Variants in KCNQ5 observed in about 807,000 individuals in gnomAD.
The protein encoded by KCNQ5 is potassium voltage-gated channel subfamily Q member 5, also known as potassium voltage-gated channel subfamily KQT member 5.
Under a neutral mutation model 98.2 loss-of-function variants are expected in KCNQ5, and 30 were observed. The ratio of observed to expected loss-of-function variants is 0.31; its 90% confidence interval spans 0.23 to 0.41. The LOEUF is 0.41. KCNQ5 is among the 10% of genes least tolerant of loss of function. KCNQ5 has a pLI of 1.00. For missense variants in KCNQ5, 835 were observed against 1,182.5 expected (o/e 0.71, Z 4.31); for synonymous variants, 458 against 449.4 (o/e 1.02, Z -0.24).
Position 73,195,219 on chromosome 6 carries a change from A to G in KCNQ5, c.2604A>G (p.Lys868=), listed in dbSNP as rs1194082182. The G allele has an allele frequency of 6.2e-7, 1 of 1,614,200 alleles. No homozygotes were observed. Among genetic ancestry groups the G allele is most frequent in the Non-Finnish European group, 8.5e-7 (1 of 1,180,032 alleles). ...QDFYPKWRES[K]LFITDEEVGP... is the part of the protein sequence containing the mutation. ...TTTACCCCAAATGGAGGGAATCCAAATTGTTTATAACTGATGAAGAGGTGG... is the reference window on the plus strand; with the variant it reads ...TTTACCCCAAATGGAGGGAATCCAAGTTGTTTATAACTGATGAAGAGGTGG... Residue 868 remains lysine (K), a synonymous_variant, in exon 14 of 14, where the codon AAA becomes AAG. Coordinates refer to ENST00000370398, the MANE Select transcript of KCNQ5 (RefSeq NM_019842.4).
intron 2 of KCNQ5, among the ~76,000 whole-genome samples, chr6:73,035,026 T>C (rs1039205125): frequency 7.2e-5 from 11 of 151,936 alleles, no homozygotes; most frequent in African/African-American, 2.7e-4. Flanking sequence ...TTTGTATTTT[T>C]AGTAGAGACG....
At chr6:72,779,886 G>A (rs1391144005) in intron 1 of KCNQ5, among the ~76,000 whole-genome samples, 1 of 139,004 alleles carries the variant, frequency 7.2e-6, no homozygotes, top group Non-Finnish European at 1.6e-5. Flanking sequence ...TGTGTGTAAA[G>A]ATGGGGTCTC....
chr6:72,846,752 AG>A (rs1562021317), intron 1 of KCNQ5, among the ~76,000 whole-genome samples: 1 of 152,196 alleles, frequency 6.6e-6, no homozygotes, highest in Non-Finnish European at 1.5e-5. Context: ...GGCTGTTAAA[AG>A]TGTCAAATTC....
chr6:73,132,169 G>C (rs900497767), intron 9 of KCNQ5, among the ~76,000 whole-genome samples: 2 of 152,200 alleles, frequency 1.3e-5, no homozygotes, highest in Non-Finnish European at 2.9e-5. Flanking sequence ...ATTGCGGTAA[G>C]TGGACAAAAC....
intron 5 of KCNQ5, among the ~76,000 whole-genome samples, chr6:73,101,796 T>C: frequency 6.6e-6 from 1 of 152,190 alleles, no homozygotes; most frequent in East Asian, 1.9e-4. Context: ...ATTAGAATAA[T>C]CATTATTGTT....
intron 1 of KCNQ5, among the ~76,000 whole-genome samples, chr6:72,739,179 G>C (rs899654712): frequency 6.6e-6 from 1 of 152,074 alleles, no homozygotes; most frequent in Non-Finnish European, 1.5e-5. Flanking sequence ...CTATACTTTT[G>C]CTCAATTTTG....
At chr6:72,986,872 C>A in intron 1 of KCNQ5, 3 of 914,744 alleles carry the variant, frequency 3.3e-6, no homozygotes, top group Non-Finnish European at 5.4e-6. Flanking sequence ...CTTGGTTCTG[C>A]GAGGCTGGGG....
chr6:73,030,347 TC>T (rs1771085356), intron 2 of KCNQ5, among the ~76,000 whole-genome samples: 1 of 152,196 alleles, frequency 6.6e-6, no homozygotes, highest in Non-Finnish European at 1.5e-5. Flanking sequence ...CCTTTCCTGT[TC>T]TTTTGCATGA....
intron 11 of KCNQ5, among the ~76,000 whole-genome samples, chr6:73,177,642 A>G (rs1343687151): frequency 6.6e-6 from 1 of 152,178 alleles, no homozygotes; most frequent in Non-Finnish European, 1.5e-5. Flanking sequence ...TTAAATCTAC[A>G]AGCTGTTTAA....
intron 1 of KCNQ5, among the ~76,000 whole-genome samples, chr6:72,814,744 A>C (rs1775417047): frequency 6.6e-6 from 1 of 152,194 alleles, no homozygotes. Flanking sequence ...GTTAATTGTC[A>C]AAGCTGATGA....
At chr6:72,879,045 A>G (rs1051138744) in intron 1 of KCNQ5, among the ~76,000 whole-genome samples, 4 of 152,114 alleles carry the variant, frequency 2.6e-5, no homozygotes, top group African/African-American at 7.2e-5. Context: ...GTTATATATA[A>G]TTTTTGACTA....
intron 1 of KCNQ5, among the ~76,000 whole-genome samples, chr6:72,829,602 T>C (rs1256682409): frequency 6.6e-6 from 1 of 152,226 alleles, no homozygotes; most frequent in Non-Finnish European, 1.5e-5. Flanking sequence ...TGTTTTACAC[T>C]CATAAGACAT....
chr6:72,628,292 G>A (rs2098919012), intron 1 of KCNQ5, among the ~76,000 whole-genome samples: 1 of 152,192 alleles, frequency 6.6e-6, no homozygotes, highest in African/African-American at 2.4e-5. Context: ...GGGACTAGAA[G>A]TAGGAGATTA....
chr6:72,626,115 G>A (rs112099318), intron 1 of KCNQ5, among the ~76,000 whole-genome samples: 31 of 152,352 alleles, frequency 2.0e-4, no homozygotes, highest in African/African-American at 6.7e-4. Context: ...CCACTCTGGA[G>A]GAAGGAAAAG....
At chr6:72,747,336 G>A (rs1282203765) in intron 1 of KCNQ5, among the ~76,000 whole-genome samples, 2 of 151,990 alleles carry the variant, frequency 1.3e-5, no homozygotes, top group Non-Finnish European at 2.9e-5. Context: ...TTAATATTTT[G>A]ATAACTATTT....
At chr6:72,655,701 G>T (rs1391171036) in intron 1 of KCNQ5, among the ~76,000 whole-genome samples, 2 of 152,134 alleles carry the variant, frequency 1.3e-5, no homozygotes, top group Non-Finnish European at 2.9e-5. Context: ...GACATACTGT[G>T]AGTGCTATCA....
At chr6:72,855,877 T>C (rs1777509775) in intron 1 of KCNQ5, among the ~76,000 whole-genome samples, 1 of 152,216 alleles carries the variant, frequency 6.6e-6, no homozygotes, top group Non-Finnish European at 1.5e-5. Context: ...TTTGTCAGTA[T>C]ATCTGAATTT....
intron 1 of KCNQ5, among the ~76,000 whole-genome samples, chr6:72,951,764 G>A (rs1766819720): frequency 6.6e-6 from 1 of 151,892 alleles, no homozygotes; most frequent in Non-Finnish European, 1.5e-5. Context: ...ACTTTCTTAG[G>A]GATGAGAATT....
chr6:72,873,149 A>G (rs1047101701), intron 1 of KCNQ5, among the ~76,000 whole-genome samples: 6 of 152,062 alleles, frequency 3.9e-5, no homozygotes, highest in Non-Finnish European at 5.9e-5. Flanking sequence ...TTCATTCTCT[A>G]TAAATACTTT....
Sources: gnomAD v4.1 joint callset for allele counts (sites outside exome capture counted in the v4.1 genomes callset) on GRCh38, gnomAD v4.1.1 for gene constraint, MANE v1.5 for transcripts, NCBI Gene and HGNC (gene_info 2026-07-23, HGNC 2026-07-21) for gene names.